Variants in NUMB observed in about 807,000 individuals in gnomAD.
NUMB encodes NUMB endocytic adaptor protein, also known as protein numb homolog.
Under a neutral mutation model 59.7 loss-of-function variants are expected in NUMB, and 29 were observed. The ratio of observed to expected loss-of-function variants is 0.49; its 90% CI spans 0.36 to 0.66. The LOEUF (loss-of-function observed/expected upper bound fraction) is 0.66. Ranked by LOEUF, NUMB falls within the 30% of genes least tolerant of loss-of-function variation. NUMB has a pLI of 0.00. For missense variants in NUMB, 723 were observed against 822.0 expected, an observed-to-expected ratio of 0.88 and a Z score of 1.47; for synonymous variants, 288 against 288.2, an observed-to-expected ratio of 1.00 and a Z score of 0.01.
intron 1 of NUMB, among the ~76,000 whole-genome samples, chr14:73,423,647 GAA>G (rs1160823269): frequency 8.0e-6 from 1 of 124,556 alleles, no homozygotes; most frequent in African/African-American, 2.9e-5. Flanking sequence ...TCTCAAAAAA[GAA>G]AAAAAAAAAA....
At chr14:73,412,575 C>G (rs1896944210) in intron 1 of NUMB, among the ~76,000 whole-genome samples, 1 of 148,094 alleles carries the variant, frequency 6.8e-6, no homozygotes, top group Non-Finnish European at 1.5e-5. Flanking sequence ...TGCAGTAAGC[C>G]GAGATTGCAC....
chr14:73,417,566 G>C (rs1382960285), intron 1 of NUMB, among the ~76,000 whole-genome samples: 1 of 151,390 alleles, frequency 6.6e-6, no homozygotes, highest in East Asian at 2.0e-4. Context: ...AAAAAAAAAG[G>C]TATGTATTGA....
At chr14:73,367,344 TATATAGAGAGAG>T (rs1231097530) in intron 2 of NUMB, among the ~76,000 whole-genome samples, 3 of 84,172 alleles carry the variant, frequency 3.6e-5, no homozygotes, top group South Asian at 3.2e-4. Flanking sequence ...TATATATATA[TATATAGAGAGAG>T]AGAGAGAGAG....
intron 2 of NUMB, among the ~76,000 whole-genome samples, chr14:73,398,415 AGTGTGT>A (rs57407662): frequency 0.012 from 1,477 of 118,856 alleles, 13 homozygotes; most frequent in East Asian, 0.047. Context: ...AGAGAGAGAG[AGTGTGT>A]GTGTGTGTGT....
intron 9 of NUMB, chr14:73,285,595 T>TA (rs1254699009): frequency 1.3e-5 from 2 of 152,052 alleles, no homozygotes. Flanking sequence ...GAATTAGAGC[T>TA]GTTTGGGTCA....
intron 1 of NUMB, among the ~76,000 whole-genome samples, chr14:73,445,995 T>C (rs1235573139): frequency 6.8e-6 from 1 of 146,348 alleles, no homozygotes; most frequent in Non-Finnish European, 1.5e-5. Context: ...CAAAATAACT[T>C]TTTCTTTTTT....
intron 1 of NUMB, among the ~76,000 whole-genome samples, chr14:73,440,439 C>T (rs1882970664): frequency 6.6e-6 from 1 of 151,472 alleles, no homozygotes; most frequent in African/African-American, 2.4e-5. Flanking sequence ...ATGGAGTGAA[C>T]AAAATTAAGA....
intron 6 of NUMB, among the ~76,000 whole-genome samples, chr14:73,307,558 T>C (rs1253571294): frequency 6.6e-6 from 1 of 151,804 alleles, no homozygotes; most frequent in African/African-American, 2.4e-5. Context: ...AGGAGGCTAG[T>C]GTGGCTGGAA....
chr14:73,304,729 A>G (rs4903107), intron 6 of NUMB, among the ~76,000 whole-genome samples: 121,762 of 152,168 alleles, frequency 0.8, 49,281 homozygotes, highest in African/African-American at 0.92. Context: ...TGTTATCCTT[A>G]GGAGAAATGA....
At chr14:73,431,756 GA>G (rs1897842116) in intron 1 of NUMB, among the ~76,000 whole-genome samples, 1 of 151,760 alleles carries the variant, frequency 6.6e-6, no homozygotes, top group African/African-American at 2.4e-5. Context: ...CTCAAAAAAA[GA>G]AAAGAAAGAA....
intron 9 of NUMB, chr14:73,286,558 T>A: frequency 6.5e-6 from 1 of 154,020 alleles, no homozygotes; most frequent in Non-Finnish European, 1.4e-5. Context: ...TCACACTCTA[T>A]AAAATCACAC....
chr14:73,288,635 G>A (rs1364439130), intron 8 of NUMB, among the ~76,000 whole-genome samples: 7 of 151,820 alleles, frequency 4.6e-5, no homozygotes, highest in African/African-American at 1.7e-4. Flanking sequence ...TGAGGTGGGC[G>A]GATCACCTGA....
At position 73,458,304 on chromosome 14, in the gene NUMB, C is replaced by G. The variant is rs1307425892; in HGVS notation, c.-233+189G>C. Reference sequence around the variant, plus strand: ...AACTCCGCAGCCAGAAGCCCAGCCCCTCTCCCCCTAGCCCAGTCAGCGCGA... The same window carrying G: ...AACTCCGCAGCCAGAAGCCCAGCCCGTCTCCCCCTAGCCCAGTCAGCGCGA... On this transcript the variant is annotated intron_variant, in intron 1 of 12. Coordinates refer to ENST00000555238, the MANE Select transcript of NUMB (RefSeq NM_001005743.2). The G allele has an allele frequency of 3.9e-5, 6 of 154,060 alleles. No individual in the cohort carries two copies. The Admixed American group carries it at 3.9e-4, about 10-fold the overall frequency. The allele number at this position is 154,060 out of a possible 1,614,324, so 9.5% of individuals were successfully genotyped here. A position where few individuals can be genotyped will look rare whatever the true frequency, so the allele number is the denominator to read the frequency against.
In NUMB at chr14:73,355,642, C is replaced by T; in HGVS notation, c.110G>A (p.Cys37Tyr). The stretch of plus-strand genomic sequence containing the variant: ...AGCTCTTACCTTAACCGGGAAGCTA[C>T]ATTTTCCGGTGCGAACGCCTTCTTC... ...TDEEGVRTGK[C>Y]SFPVKYLGHV... The change falls in exon 4 of 13, where the codon TGT (cysteine) becomes TAT (tyrosine). Residue 37 changes from cysteine to tyrosine, a missense_variant. This residue lies in a region of NUMB where 317 missense variants were observed against 436.6 expected (regional missense o/e 0.73). Coordinates refer to ENST00000555238, the MANE Select transcript of NUMB (RefSeq NM_001005743.2). 6.2e-7 allele frequency: 1 copy of T among 1,613,300 alleles called. No individual in the cohort carries two copies. The highest frequency in any genetic ancestry group is 8.5e-7 in the Non-Finnish European group (1 of 1,179,704).
At chr14:73,436,872 G>A (rs543162845) in intron 1 of NUMB, among the ~76,000 whole-genome samples, 211 of 151,082 alleles carry the variant, frequency 1.4e-3, no homozygotes, top group African/African-American at 4.6e-3. Context: ...CCAGCTACTC[G>A]GGAGGCTGAG....
intron 2 of NUMB, among the ~76,000 whole-genome samples, chr14:73,381,605 C>T (rs1250871839): frequency 6.6e-6 from 1 of 152,206 alleles, no homozygotes; most frequent in East Asian, 1.9e-4. Context: ...CCCACTCTAA[C>T]TAAGCCAGCT....
In NUMB at chr14:73,276,630, G is replaced by A. The variant is rs767676611; in HGVS notation, c.1904C>T (p.Pro635Leu). The change falls in exon 13 of 13, where the codon CCT (proline) becomes CTT (leucine). Residue 635 changes from proline (P) to leucine (L), a missense_variant. By Grantham distance (98) the Pro-to-Leu change is moderately conservative. Coordinates refer to ENST00000555238, the MANE Select transcript of NUMB (RefSeq NM_001005743.2). ...TAAGTCACTGGAGAAAGGGTTGGTA[G>A]GGGAGGGATTAGTACGCTGCTTGGA... ...NKSKQRTNPS[P>L]TNPFSSDLQK... 1 of 1,614,202 alleles carries A rather than the reference G, an allele frequency of 6.2e-7. No individual in the cohort carries two copies.
At chr14:73,429,391 T>C (rs1897728193) in intron 1 of NUMB, among the ~76,000 whole-genome samples, 1 of 151,952 alleles carries the variant, frequency 6.6e-6, no homozygotes, top group African/African-American at 2.4e-5. Flanking sequence ...AAATAAATTT[T>C]CTTTCCCTAT....
At chr14:73,333,649 A>C (rs1187763421) in intron 4 of NUMB, among the ~76,000 whole-genome samples, 1 of 152,058 alleles carries the variant, frequency 6.6e-6, no homozygotes, top group Non-Finnish European at 1.5e-5. Context: ...CAGACATATA[A>C]TTTCCAAACA....
Sources: allele counts gnomAD v4.1 joint callset (sites outside exome capture counted in the v4.1 genomes callset), GRCh38; gene constraint gnomAD v4.1.1; regional missense constraint gnomAD v4.1.1; transcripts MANE v1.5; gene names NCBI Gene and HGNC (gene_info 2026-07-23, HGNC 2026-07-21).